The following ANKRD45 variants were observed in gnomAD, a reference collection of about 807,000 sequenced individuals.
The protein encoded by ANKRD45 is ankyrin repeat domain 45.
Under a neutral mutation model 28.1 loss-of-function variants are expected in ANKRD45, and 21 were observed. That is an observed-to-expected ratio of 0.75 (90% CI 0.53 to 1.08). ANKRD45 has a LOEUF of 1.08. ANKRD45 is among the 50% of genes least tolerant of loss of function. ANKRD45 has a pLI of 0.00. For missense variants in ANKRD45, 261 were observed against 308.7 expected, an observed-to-expected ratio of 0.85 and a Z score of 1.16; for synonymous variants, 86 against 103.9, an observed-to-expected ratio of 0.83 and a Z score of 1.05.
At chr1:173,685,638 A>G in the ANKRD45 span, among the ~76,000 whole-genome samples, 1 of 152,254 alleles carries the variant, frequency 6.6e-6, no homozygotes, top group Non-Finnish European at 1.5e-5. Flanking sequence ...TATGATAGCT[A>G]TAGCTATCTT....
chr1:173,711,270 C>T, the ANKRD45 span, among the ~76,000 whole-genome samples: 2 of 152,188 alleles, frequency 1.3e-5, no homozygotes, highest in Non-Finnish European at 2.9e-5. Flanking sequence ...TGAGGATGCA[C>T]CTGTGACACA....
chr1:173,675,263 GA>G, the ANKRD45 span: 1 of 253,554 alleles, frequency 3.9e-6, no homozygotes, highest in Non-Finnish European at 7.9e-6. Context: ...GAAAAATGGA[GA>G]AAAAAGAAGG....
the ANKRD45 span, among the ~76,000 whole-genome samples, chr1:173,706,912 G>C: frequency 6.6e-6 from 1 of 152,122 alleles, no homozygotes; most frequent in Non-Finnish European, 1.5e-5. Flanking sequence ...GGTCACAAAT[G>C]AGTGCATTCT....
chr1:173,669,699 G>T (rs951324562), intron 1 of ANKRD45, 118 bp downstream of exon 1: 4 of 326,920 alleles, frequency 1.2e-5, no homozygotes, highest in South Asian at 1.1e-4. Context: ...CGCTGAGATT[G>T]AAGCCCACTC....
At chr1:173,628,585 C>G (rs1352168196) in intron 3 of ANKRD45, among the ~76,000 whole-genome samples, 3 of 152,048 alleles carry the variant, frequency 2.0e-5, no homozygotes, top group Admixed American at 1.3e-4. Flanking sequence ...AGGACTTTGT[C>G]TTATGGCTCG....
chr1:173,675,619 G>T, the ANKRD45 span, among the ~76,000 whole-genome samples: 1 of 150,784 alleles, frequency 6.6e-6, no homozygotes, highest in African/African-American at 2.4e-5. Flanking sequence ...GTCTCAAAAA[G>T]AAAAAAGAAA....
chr1:173,687,471 T>C, the ANKRD45 span, among the ~76,000 whole-genome samples: 2 of 106,526 alleles, frequency 1.9e-5, no homozygotes, highest in South Asian at 7.6e-4. Flanking sequence ...CCCCACCCCT[T>C]TTTTCTTCTC....
chr1:173,623,177 T>C (rs536271228), intron 5 of ANKRD45, among the ~76,000 whole-genome samples: 1 of 151,786 alleles, frequency 6.6e-6, no homozygotes, highest in Admixed American at 6.6e-5. Flanking sequence ...TAGCTGGGCA[T>C]GGTGGCACAC....
intron 4 of ANKRD45, among the ~76,000 whole-genome samples, chr1:173,626,519 A>G (rs775940612): frequency 1.3e-5 from 2 of 152,202 alleles, no homozygotes; most frequent in Non-Finnish European, 2.9e-5. Context: ...TTGAAGCAAA[A>G]TAATGAAATG....
At position 173,635,539 on chromosome 1, in the gene ANKRD45, A is replaced by G. The variant is rs1413304277; in HGVS notation, c.497-8380T>C. On this transcript the variant is annotated intron_variant, in intron 3 of 5. Transcript: ENST00000333279. ...AAAGAAGGATGTCTAATCAAAGACT[A>G]CCGCTGATTTTTTCTCTGTTGTTTA... 2.0e-6 allele frequency: 3 copies of G among 1,530,280 alleles called. No homozygotes were observed. In the African/African-American group the frequency reaches 4.1e-5, roughly 21 times the overall value. 94.8% of individuals were successfully genotyped at this position (1,530,280 alleles called of 1,614,324 possible).
At chr1:173,617,137 C>G (rs1667496658) in intron 5 of ANKRD45, among the ~76,000 whole-genome samples, 1 of 152,072 alleles carries the variant, frequency 6.6e-6, no homozygotes, top group South Asian at 2.1e-4. Flanking sequence ...GGAGTCTTGG[C>G]AAAGCAGATG....
chr1:173,651,706 A>C (rs1669231386), intron 2 of ANKRD45, among the ~76,000 whole-genome samples: 2 of 152,092 alleles, frequency 1.3e-5, no homozygotes, highest in African/African-American at 4.8e-5. Flanking sequence ...TTTTCACGAT[A>C]TTGATTCTTC....
At chr1:173,701,428 AC>A in the ANKRD45 span, among the ~76,000 whole-genome samples, 11 of 152,238 alleles carry the variant, frequency 7.2e-5, no homozygotes, top group African/African-American at 2.7e-4. Flanking sequence ...CCAAATGTCC[AC>A]CAATGATAGA....
intron 3 of ANKRD45, among the ~76,000 whole-genome samples, chr1:173,634,747 AT>A (rs1668347306): frequency 6.6e-6 from 1 of 152,028 alleles, no homozygotes; most frequent in South Asian, 2.1e-4. Context: ...AATCATTTTA[AT>A]TATTATATTA....
chr1:173,679,070 T>G, the ANKRD45 span, among the ~76,000 whole-genome samples: 6 of 152,124 alleles, frequency 3.9e-5, no homozygotes, highest in Admixed American at 3.3e-4. Context: ...TGGAAAAACA[T>G]TCCATGCTCA....
chr1:173,689,375 G>C, the ANKRD45 span, among the ~76,000 whole-genome samples: 1 of 152,158 alleles, frequency 6.6e-6, no homozygotes, highest in Non-Finnish European at 1.5e-5. Context: ...ACGTACCTGG[G>C]TTTGGAGCCA....
At chr1:173,710,075 A>T in the ANKRD45 span, among the ~76,000 whole-genome samples, 1 of 152,242 alleles carries the variant, frequency 6.6e-6, no homozygotes, top group Non-Finnish European at 1.5e-5. Flanking sequence ...CTCTAATCCC[A>T]GCACTTTGGG....
In ANKRD45 at chr1:173,622,147, G is replaced by C. The variant is rs145144857; in HGVS notation, c.730+2640C>G. On this transcript the variant is annotated intron_variant, in intron 5 of 5. Transcript: ENST00000333279. ...GGAGAACTACAAACCACTGCTCAAG[G>C]AAATCAGAAAGGACACAAACAAATG... is the stretch of plus-strand genomic sequence containing the variant. Among the ~76,000 whole-genome samples the C allele has an allele frequency of 2.0e-3, 303 of 152,258 alleles. 1 individual carries two copies. The highest frequency in any genetic ancestry group is 6.9e-3 in the African/African-American group (287 of 41,554).
At chr1:173,647,951 T>C (rs143021777) in intron 2 of ANKRD45, among the ~76,000 whole-genome samples, 3 of 146,770 alleles carry the variant, frequency 2.0e-5, no homozygotes, top group Admixed American at 6.8e-5. Flanking sequence ...GCCCAGATAT[T>C]TTTTTTTTTT....
Sources: allele counts gnomAD v4.1 joint callset (sites outside exome capture counted in the v4.1 genomes callset), GRCh38; gene constraint gnomAD v4.1.1; transcripts MANE v1.5; gene names NCBI Gene and HGNC (gene_info 2026-07-23, HGNC 2026-07-21).